Variants in UQCRC2 observed in about 807,000 individuals in gnomAD.
The protein encoded by UQCRC2 is ubiquinol-cytochrome c reductase core protein 2, also known as cytochrome b-c1 complex subunit 2, mitochondrial.
In UQCRC2, 49 loss-of-function variants were observed where a neutral mutation model predicts 55.6. The ratio of observed to expected loss-of-function variants is 0.88; its 90% confidence interval spans 0.70 to 1.12. The LOEUF is 1.12. Among genes scored for constraint, UQCRC2 ranks in the 50% most tolerant of loss-of-function variants. The pLI is 0.00. For missense variants in UQCRC2, 506 were observed against 547.8 expected, an observed-to-expected ratio of 0.92 and a Z score of 0.76; for synonymous variants, 193 against 192.0, an observed-to-expected ratio of 1.01 and a Z score of -0.04.
chr16:21,959,333 CG>C (rs1229447986), intron 4 of UQCRC2: 1 of 239,330 alleles, frequency 4.2e-6, no homozygotes, highest in Non-Finnish European at 8.4e-6. Context: ...TTTATCATTT[CG>C]ACAGTGTTCA....
At chr16:21,976,867 A>C (rs986211244) in intron 12 of UQCRC2, 2 of 152,218 alleles carry the variant, frequency 1.3e-5, no homozygotes, top group African/African-American at 4.8e-5. Flanking sequence ...GATTCAAATT[A>C]CTAAAAATTT....
In UQCRC2 at chr16:21,971,613, C is replaced by T. The variant is rs1898463125; in HGVS notation, c.759C>T (p.Tyr253=). 6.2e-7 allele frequency: 1 copy of T among 1,613,810 alleles called. No homozygotes were observed. The highest frequency in any genetic ancestry group is 8.5e-7 in the Non-Finnish European group (1 of 1,179,912). The change falls in exon 9 of 14, where the codon TAC becomes TAT. Residue 253 remains tyrosine, a synonymous_variant. Transcript: ENST00000268379. ...GTTTATCTGGTGCAAAGGCCAACTA[C>T]CGTGGAGGTAAGCATTTCATTCTAT... is the stretch of plus-strand genomic sequence containing the variant. ...GLGLSGAKAN[Y]RGGEIREQNG...
intron 6 of UQCRC2, chr16:21,963,361 CTTT>C (rs1203010894): frequency 2.0e-5 from 3 of 152,358 alleles, no homozygotes; most frequent in Non-Finnish European, 4.4e-5. Flanking sequence ...ATTTATTATT[CTTT>C]TGTTTCTAAA....
At chr16:21,979,444 G>T (rs1292421416) in intron 12 of UQCRC2, among the ~76,000 whole-genome samples, 1 of 152,098 alleles carries the variant, frequency 6.6e-6, no homozygotes, top group Admixed American at 6.5e-5. Flanking sequence ...AAATCTAGAT[G>T]GTATAGCCTA....
At chr16:21,959,706 A>C (rs1597951696) in intron 4 of UQCRC2, 1 of 152,250 alleles carries the variant, frequency 6.6e-6, no homozygotes, top group African/African-American at 2.4e-5. Context: ...CGTCTTCACT[A>C]TCTGTGGTAG....
chr16:21,956,358 A>G (rs1898086530), intron 1 of UQCRC2, among the ~76,000 whole-genome samples: 1 of 152,034 alleles, frequency 6.6e-6, no homozygotes, highest in South Asian at 2.1e-4. Flanking sequence ...AGCCTGAGCT[A>G]TGGGGTGAAA....
rs1270694730 is a variant in UQCRC2 at position 21,975,315 on chromosome 16, G to GATCT, written c.1048-852_1048-851insATCT. On this transcript the variant is annotated intron_variant, in intron 11 of 13. Transcript: ENST00000268379. Reference sequence around the variant, plus strand: ...TCAAGGAACTAGAGATCTTGATAAAGTGGAAGAATAAGGATAGTGAGATTA... The same window carrying GATCT: ...TCAAGGAACTAGAGATCTTGATAAAGATCTTGGAAGAATAAGGATAGTGAGATTA... Among the ~76,000 whole-genome samples, 3 of 152,182 alleles carry GATCT rather than the reference G, an allele frequency of 2.0e-5. No individual in the cohort carries two copies. In the East Asian group the frequency reaches 5.8e-4, roughly 29 times the overall value.
intron 5 of UQCRC2, 87 bp downstream of exon 5, chr16:21,962,603 C>G: frequency 6.3e-7 from 1 of 1,595,668 alleles, no homozygotes. Flanking sequence ...TCATTATGAC[C>G]TCTGACTTCC....
intron 1 of UQCRC2, among the ~76,000 whole-genome samples, chr16:21,956,096 A>T (rs1270865574): frequency 1.3e-5 from 2 of 152,134 alleles, no homozygotes; most frequent in Non-Finnish European, 2.9e-5. Flanking sequence ...AAGTGCTGGG[A>T]TTACAGGCGT....
Position 21,972,067 on chromosome 16 carries a change from A to G in UQCRC2, c.911A>G (p.Asn304Ser). The change falls in exon 10 of 14, where the codon AAC (asparagine) becomes AGC (serine). Residue 304 changes from asparagine (N) to serine (S), a missense_variant. Asn to Ser is a conservative substitution (Grantham distance 46). Coordinates refer to ENST00000268379, the MANE Select transcript of UQCRC2 (RefSeq NM_003366.4). ...GAGPHVKRGSNTTSHLHQAVA... is the reference protein window; with the variant it reads ...GAGPHVKRGSSTTSHLHQAVA... ...GGGCCACATGTCAAGAGGGGCAGCA[A>G]CACCACCAGCCATCTGCACCAGGCT... 3 of 1,614,100 alleles carry G rather than the reference A, an allele frequency of 1.9e-6. No homozygotes were observed. In the South Asian group the frequency reaches 3.3e-5, roughly 18 times the overall value.
chr16:21,967,019 T>A (rs988823973), intron 7 of UQCRC2, among the ~76,000 whole-genome samples: 1 of 152,162 alleles, frequency 6.6e-6, no homozygotes, highest in South Asian at 2.1e-4. Context: ...CCCTTTTTTT[T>A]AATAAAAGGT....
In UQCRC2 at chr16:21,962,811, G is replaced by C; in HGVS notation, c.440G>C (p.Arg147Pro). Residue 147 changes from arginine to proline, a missense_variant, in exon 6 of 14, where the codon CGT becomes CCT. Coordinates refer to ENST00000268379, the MANE Select transcript of UQCRC2 (RefSeq NM_003366.4). ...AATGTCACCACAGCACCAGAATTTC[G>C]TCGTTGGGAAGTAGCTGACCTTCAG... ...LLNVTTAPEF[R>P]RWEVADLQPQ... The C allele has an allele frequency of 1.2e-6, 2 of 1,614,008 alleles. No homozygotes were observed. Among genetic ancestry groups the C allele is most frequent in the Non-Finnish European group, 1.7e-6 (2 of 1,180,000 alleles).
Position 21,971,462 on chromosome 16 carries a change from A to G in UQCRC2, c.671-63A>G. ...ATCGTATTTTTAAAACAAGGAAAAA[A>G]TATTTTACGATTGTGTTTTAGTAAT... On this transcript the variant is annotated intron_variant, in intron 8 of 13. Transcript: ENST00000268379. The G allele has an allele frequency of 2.2e-6, 3 of 1,359,076 alleles. No individual in the cohort carries two copies. In the South Asian group the frequency reaches 3.8e-5, roughly 17 times the overall value. The allele number at this position is 1,359,076 out of a possible 1,614,324, so 84.2% of individuals were successfully genotyped here.
chr16:21,954,693 T>G (rs1898061612), intron 1 of UQCRC2, among the ~76,000 whole-genome samples: 1 of 152,178 alleles, frequency 6.6e-6, no homozygotes, highest in South Asian at 2.1e-4. Flanking sequence ...CAAAATAATT[T>G]AGAAGATTGC....
At chr16:21,958,645 T>C (rs747623451) in intron 4 of UQCRC2, 46 bp downstream of exon 4, 1 of 1,553,780 alleles carries the variant, frequency 6.4e-7, no homozygotes, top group Non-Finnish European at 8.8e-7. Flanking sequence ...CCAGAAAATA[T>C]TCAATTTTAA....
At chr16:21,962,552 A>T (rs1898229073) in intron 5 of UQCRC2, 36 bp downstream of exon 5, 1 of 1,613,044 alleles carries the variant, frequency 6.2e-7, no homozygotes, top group African/African-American at 1.3e-5. Flanking sequence ...TTCTGCTTTG[A>T]AAGAAATACT....
At chr16:21,956,197 G>A (rs1370931462) in intron 1 of UQCRC2, among the ~76,000 whole-genome samples, 2 of 152,124 alleles carry the variant, frequency 1.3e-5, no homozygotes, top group Non-Finnish European at 2.9e-5. Flanking sequence ...TAGACTGAAC[G>A]GATGACATTC....
intron 1 of UQCRC2, among the ~76,000 whole-genome samples, 190 bp from the exon 2 acceptor site, chr16:21,957,045 A>G (rs947661739): frequency 4.0e-5 from 6 of 150,946 alleles, no homozygotes; most frequent in African/African-American, 1.5e-4. Flanking sequence ...CTCCAGCCTG[A>G]GCGACAGAGA....
rs140478868 is a variant in UQCRC2 at position 21,964,131 on chromosome 16, G to A, written c.514+1246G>A. ...CAGGCTCCCCTCCACATGCAGGCCT[G>A]GGGACTGATGTTATTTCATGATGAT... On this transcript the variant is annotated intron_variant, in intron 6 of 13. Transcript: ENST00000268379. Among the ~76,000 whole-genome samples the A allele has an allele frequency of 6.2e-3, 949 of 152,208 alleles. 8 individuals are homozygous for A. The highest frequency in any genetic ancestry group is 0.045 in the Middle Eastern group (13 of 292).
Sources: allele counts gnomAD v4.1 joint callset (sites outside exome capture counted in the v4.1 genomes callset), GRCh38; gene constraint gnomAD v4.1.1; transcripts MANE v1.5; gene names NCBI Gene and HGNC (gene_info 2026-07-23, HGNC 2026-07-21).